Variants in TEKT5 observed in about 807,000 individuals in gnomAD.
The protein encoded by TEKT5 is tektin 5.
A neutral mutation model predicts 48.7 loss-of-function variants in TEKT5; 52 were observed. The observed-to-expected ratio is 1.07, with a 90% CI of 0.86 to 1.35. The LOEUF is 1.35. Among genes scored for constraint, TEKT5 ranks in the 40% most tolerant of loss-of-function variants. The pLI is 0.00. For synonymous variants in TEKT5, 318 were observed against 267.6 expected, an observed-to-expected ratio of 1.19 and a Z score of -1.84; for missense variants, 831 against 641.6, an observed-to-expected ratio of 1.30 and a Z score of -3.19.
chr16:10,633,137 G>A (rs150516881), intron 6 of TEKT5, among the ~76,000 whole-genome samples: 1 of 152,216 alleles, frequency 6.6e-6, no homozygotes, highest in South Asian at 2.1e-4. Flanking sequence ...AAGGTGGCTG[G>A]ATCACTTGAG....
At chr16:10,657,308 A>G (rs1015260540) in intron 5 of TEKT5, among the ~76,000 whole-genome samples, 2 of 151,148 alleles carry the variant, frequency 1.3e-5, no homozygotes, top group Non-Finnish European at 3.0e-5. Flanking sequence ...TTGTGTATTT[A>G]GTAGAAACAG....
At chr16:10,685,319 T>C (rs970182518) in intron 3 of TEKT5, among the ~76,000 whole-genome samples, 1 of 152,172 alleles carries the variant, frequency 6.6e-6, no homozygotes, top group Non-Finnish European at 1.5e-5. Flanking sequence ...TCTCTTTTTT[T>C]GAGACAGTCT....
In TEKT5 at chr16:10,674,965, C is replaced by T. The variant is rs1359526289; in HGVS notation, c.1086+994G>A. ...CAACCTCCCCAAGTAGCTGGGATTA[C>T]AGGCAAGCACCACCACACCTGGCTA... On this transcript the variant is annotated intron_variant, in intron 5 of 6. Coordinates refer to ENST00000283025, the MANE Select transcript of TEKT5 (RefSeq NM_144674.2). 2.6e-5 allele frequency among the ~76,000 whole-genome samples: 4 copies of T among 152,132 alleles called. No individual in the cohort carries two copies. The East Asian group carries it at 7.7e-4, about 29-fold the overall frequency.
chr16:10,664,342 G>T (rs144229909), intron 5 of TEKT5, among the ~76,000 whole-genome samples: 3 of 152,296 alleles, frequency 2.0e-5, no homozygotes, highest in African/African-American at 7.2e-5. Context: ...TATACCTAGC[G>T]GGCTTGTTAA....
rs1363204645 is a variant in TEKT5, at chr16:10,631,270, A to G, written c.1242-3471T>C. Among the ~76,000 whole-genome samples the G allele has an allele frequency of 1.1e-4, 16 of 144,692 alleles. No individual in the cohort carries two copies. The South Asian group carries it at 1.1e-3, about 10-fold the overall frequency. 94.9% of individuals were successfully genotyped at this position (144,692 alleles called of 152,430 possible). On this transcript the variant is annotated intron_variant, in intron 6 of 6. Transcript: ENST00000283025. ...GACTCCATCTCAAAAAAAAAAAAAAAAAAGAGAGAGAGAGAGAGAGAAAAG... is the reference window on the plus strand; with the variant it reads ...GACTCCATCTCAAAAAAAAAAAAAAGAAAGAGAGAGAGAGAGAGAGAAAAG...
At chr16:10,662,134 T>C (rs561881074) in intron 5 of TEKT5, among the ~76,000 whole-genome samples, 1 of 152,354 alleles carries the variant, frequency 6.6e-6, no homozygotes, top group South Asian at 2.1e-4. Flanking sequence ...GGGTAGGGAC[T>C]GTCCTGTGCA....
intron 5 of TEKT5, among the ~76,000 whole-genome samples, chr16:10,637,321 C>G (rs1429003941): frequency 6.7e-6 from 1 of 149,328 alleles, no homozygotes; most frequent in Non-Finnish European, 1.5e-5. Context: ...CACGCATGAG[C>G]CACCACACCC....
chr16:10,638,589 G>T (rs137873288), intron 5 of TEKT5, among the ~76,000 whole-genome samples: 1 of 152,176 alleles, frequency 6.6e-6, no homozygotes, highest in Admixed American at 6.6e-5. Context: ...CATTTGCCCA[G>T]ACACTCCATA....
intron 5 of TEKT5, among the ~76,000 whole-genome samples, chr16:10,639,912 T>A (rs1314146521): frequency 1.3e-5 from 2 of 152,206 alleles, no homozygotes; most frequent in Non-Finnish European, 2.9e-5. Flanking sequence ...GCCTTGGGAC[T>A]GGAGGCTGGC....
At chr16:10,664,350 TA>T (rs1158611039) in intron 5 of TEKT5, among the ~76,000 whole-genome samples, 1 of 152,208 alleles carries the variant, frequency 6.6e-6, no homozygotes, top group Non-Finnish European at 1.5e-5. Flanking sequence ...GCGGGCTTGT[TA>T]AAACTCAGAT....
intron 3 of TEKT5, among the ~76,000 whole-genome samples, chr16:10,683,334 G>A (rs1898791975): frequency 6.6e-6 from 1 of 152,138 alleles, no homozygotes; most frequent in Admixed American, 6.5e-5. Flanking sequence ...GGGACTGGGC[G>A]GGGTCGGGGG....
At chr16:10,636,093 G>A (rs865794107) in intron 5 of TEKT5, among the ~76,000 whole-genome samples, 175 bp from the exon 6 acceptor site, 1 of 152,198 alleles carries the variant, frequency 6.6e-6, no homozygotes, top group South Asian at 2.1e-4. Context: ...GAAACCTTGA[G>A]GCTGGGCGCG....
At chr16:10,678,733 G>T (rs1898693422) in intron 4 of TEKT5, among the ~76,000 whole-genome samples, 1 of 152,244 alleles carries the variant, frequency 6.6e-6, no homozygotes, top group Non-Finnish European at 1.5e-5. Context: ...TGGGGGGACA[G>T]TGTCAGTGTC....
intron 4 of TEKT5, among the ~76,000 whole-genome samples, chr16:10,678,059 G>C (rs1293316307): frequency 6.6e-6 from 1 of 152,152 alleles, no homozygotes; most frequent in Non-Finnish European, 1.5e-5. Context: ...GCAACCAATG[G>C]ACTATGTGGG....
chr16:10,663,454 G>C (rs892790536), intron 5 of TEKT5, among the ~76,000 whole-genome samples: 1 of 152,180 alleles, frequency 6.6e-6, no homozygotes, highest in Admixed American at 6.5e-5. Context: ...GGAGATGCTT[G>C]GCTCAGTGCA....
At chr16:10,653,304 C>T (rs55945264) in intron 5 of TEKT5, among the ~76,000 whole-genome samples, 5,754 of 152,298 alleles carry the variant, frequency 0.038, 173 homozygotes, top group Middle Eastern at 0.058. Context: ...GACGGCTCAC[C>T]TCACTCCCTT....
At chr16:10,681,702 G>A (rs143897517) in intron 4 of TEKT5, among the ~76,000 whole-genome samples, 1 of 151,986 alleles carries the variant, frequency 6.6e-6, no homozygotes, top group Admixed American at 6.6e-5. Flanking sequence ...GAATGGTGGG[G>A]CAAGGATGGA....
chr16:10,640,271 T>C (rs1428585474), intron 5 of TEKT5, among the ~76,000 whole-genome samples: 1 of 151,910 alleles, frequency 6.6e-6, no homozygotes, highest in Non-Finnish European at 1.5e-5. Context: ...GCTTCCTCAG[T>C]AGCTGGGACT....
chr16:10,676,247 T>G, intron 4 of TEKT5, 66 bp from the exon 5 acceptor site: 1 of 1,470,240 alleles, frequency 6.8e-7, no homozygotes, highest in Non-Finnish European at 9.5e-7. Context: ...TTTCTCCGCC[T>G]TGGCAGTCTT....
Sources: allele counts gnomAD v4.1 joint callset (sites outside exome capture counted in the v4.1 genomes callset), GRCh38; gene constraint gnomAD v4.1.1; transcripts MANE v1.5; gene names NCBI Gene and HGNC (gene_info 2026-07-23, HGNC 2026-07-21).